CASK: variants seen among roughly 807,000 people sequenced by gnomAD.
CASK encodes the protein calcium/calmodulin dependent serine protein kinase.
In CASK, 4 loss-of-function variants were observed where a neutral mutation model predicts 82.9. The observed-to-expected ratio is 0.05, with a 90% CI of 0.02 to 0.11. The LOEUF is 0.11. CASK is among the 10% of genes least tolerant of loss of function. The pLI, the probability that CASK is intolerant of heterozygous loss-of-function variation, is 1.00. For synonymous variants in CASK, 259 were observed against 253.5 expected (o/e 1.02, Z -0.20); for missense variants, 358 against 720.9 (o/e 0.50, Z 5.76).
rs1378649263 is a variant in CASK at position 41,827,433 on chromosome X, G to A, written c.172+25682C>T. Reference sequence around the variant, plus strand: ...GCAGGCTGCTCTCTGGTTCATAAGCGGCATCTTCTCACTGTGTCCTTACAT... The same window carrying A: ...GCAGGCTGCTCTCTGGTTCATAAGCAGCATCTTCTCACTGTGTCCTTACAT... On this transcript the variant is annotated intron_variant, in intron 2 of 26. Coordinates refer to ENST00000378163, the MANE Select transcript of CASK (RefSeq NM_001367721.1). Among the ~76,000 whole-genome samples, 4 of 111,791 alleles carry A rather than the reference G, an allele frequency of 3.6e-5. No homozygotes were observed. The South Asian group carries it at 1.1e-3, about 32-fold the overall frequency.
rs955571686 is a variant in CASK at position 41,517,613 on chromosome X, C to T, written c.*2807G>A. On this transcript the variant is annotated 3_prime_UTR_variant, in exon 27 of 27. Coordinates refer to ENST00000378163, the MANE Select transcript of CASK (RefSeq NM_001367721.1). Reference sequence around the variant, plus strand: ...ACCTTCAAAATGTGGCTCTCCAATACTTCAATTGACCACTAATAAGATTTA... The same window carrying T: ...ACCTTCAAAATGTGGCTCTCCAATATTTCAATTGACCACTAATAAGATTTA... 30 of 380,945 alleles carry T rather than the reference C, an allele frequency of 7.9e-5. No homozygotes were observed. Among genetic ancestry groups the T allele is most frequent in the Non-Finnish European group, 1.4e-4 (30 of 219,009 alleles). The allele number at this position is 380,945 out of a possible 1,213,427, so 31.4% of individuals were successfully genotyped here. A position where few individuals can be genotyped will look rare whatever the true frequency, so the allele number is the denominator to read the frequency against.
chrX:41,840,742 G>A (rs902650366), intron 2 of CASK, among the ~76,000 whole-genome samples: 1 of 111,801 alleles, frequency 8.9e-6, no homozygotes, highest in Non-Finnish European at 1.9e-5. Context: ...TTATCAAGTT[G>A]AGGGTGTTAG....
chrX:41,751,658 C>T (rs924351979), intron 3 of CASK, among the ~76,000 whole-genome samples: 2 of 110,402 alleles, frequency 1.8e-5, no homozygotes, highest in Non-Finnish European at 3.8e-5. Flanking sequence ...TGATGAAACA[C>T]CCTTTGCTCC....
At chrX:41,850,187 T>A (rs1281218361) in intron 2 of CASK, among the ~76,000 whole-genome samples, 1 of 111,872 alleles carries the variant, frequency 8.9e-6, no homozygotes, top group Non-Finnish European at 1.9e-5. Flanking sequence ...TCAAAAAAAA[T>A]TAATTTGTAA....
At chrX:41,843,250 G>A (rs764760668) in intron 2 of CASK, among the ~76,000 whole-genome samples, 60 of 111,573 alleles carry the variant, frequency 5.4e-4, no homozygotes, top group Middle Eastern at 4.7e-3. Context: ...CCTGATCTTC[G>A]GAGGAAAGCA....
At chrX:41,524,147 C>A (rs1452984813) in intron 25 of CASK, 113 bp from the exon 26 acceptor site, 2 of 583,973 alleles carry the variant, frequency 3.4e-6, no homozygotes, top group Non-Finnish European at 5.5e-6. Context: ...GCTCTTGGCT[C>A]AAATTTTTGG....
At chrX:41,907,066 G>A (rs1449140436) in intron 1 of CASK, among the ~76,000 whole-genome samples, 2 of 112,139 alleles carry the variant, frequency 1.8e-5, no homozygotes, top group Admixed American at 9.4e-5. Flanking sequence ...AGTTGATTGG[G>A]AAAGCCTAAA....
At chrX:41,893,729 T>C (rs1368183002) in intron 1 of CASK, among the ~76,000 whole-genome samples, 1 of 112,049 alleles carries the variant, frequency 8.9e-6, no homozygotes, top group Non-Finnish European at 1.9e-5. Context: ...TGGCCAACCA[T>C]TGGATGACCA....
intron 11 of CASK, among the ~76,000 whole-genome samples, chrX:41,615,922 C>T (rs762043845): frequency 8.3e-4 from 93 of 112,221 alleles, no homozygotes; most frequent in African/African-American, 2.7e-3. Context: ...CCACTGTGCT[C>T]GGCCTTTTAC....
At chrX:41,617,037 C>A (rs763173812) in intron 11 of CASK, among the ~76,000 whole-genome samples, 11 of 112,193 alleles carry the variant, frequency 9.8e-5, no homozygotes, top group African/African-American at 3.2e-4. Context: ...GCATATTATA[C>A]CCTGAAGTAA....
In CASK at chrX:41,839,236, G is replaced by A. The variant is rs186508084; in HGVS notation, c.172+13879C>T. On this transcript the variant is annotated intron_variant, in intron 2 of 26. Coordinates refer to ENST00000378163, the MANE Select transcript of CASK (RefSeq NM_001367721.1). ...GGGTCAAATCTAGAGATAGATTTGG[G>A]GAGAAATTATATATTTACTATGTTG... Among the ~76,000 whole-genome samples the A allele has an allele frequency of 8.7e-3, 970 of 111,278 alleles. 6 individuals are homozygous for A. Among genetic ancestry groups the A allele is most frequent in the Non-Finnish European group, 0.015 (791 of 52,948 alleles).
intron 2 of CASK, among the ~76,000 whole-genome samples, chrX:41,825,008 C>T (rs2070629015): frequency 1.8e-5 from 2 of 111,472 alleles, no homozygotes; most frequent in African/African-American, 3.3e-5. Flanking sequence ...ACCTAGTATT[C>T]GATATTACAA....
chrX:41,855,090 C>T (rs189094267), intron 1 of CASK, among the ~76,000 whole-genome samples: 203 of 111,786 alleles, frequency 1.8e-3, no homozygotes, highest in Middle Eastern at 4.6e-3. Flanking sequence ...CATGGTCAAT[C>T]GAGTCAATTC....
intron 8 of CASK, among the ~76,000 whole-genome samples, chrX:41,649,340 T>C (rs1246170261): frequency 8.9e-6 from 1 of 111,818 alleles, no homozygotes; most frequent in Non-Finnish European, 1.9e-5. Context: ...CTTTCAATTG[T>C]GATGTTAGGG....
chrX:41,755,585 C>A (rs751163336), intron 3 of CASK, among the ~76,000 whole-genome samples: 1 of 111,899 alleles, frequency 8.9e-6, no homozygotes, highest in South Asian at 3.7e-4. Context: ...CCAAGAAAGT[C>A]CACTCTAACA....
At chrX:41,910,058 C>T (rs1188806554) in intron 1 of CASK, among the ~76,000 whole-genome samples, 2 of 111,258 alleles carry the variant, frequency 1.8e-5, no homozygotes, top group African/African-American at 6.5e-5. Context: ...CCTGTCTCTA[C>T]TAAAAATACA....
chrX:41,799,910 A>G (rs1037671572), intron 2 of CASK, among the ~76,000 whole-genome samples: 2 of 107,618 alleles, frequency 1.9e-5, no homozygotes, highest in African/African-American at 6.8e-5. Flanking sequence ...TTTGGCAGCT[A>G]GTAAACATTG....
intron 24 of CASK, among the ~76,000 whole-genome samples, chrX:41,532,912 G>C (rs1300098116): frequency 9.0e-6 from 1 of 111,193 alleles, no homozygotes; most frequent in Non-Finnish European, 1.9e-5. Context: ...CGGGTTCCAA[G>C]CGATTTTCAT....
intron 4 of CASK, among the ~76,000 whole-genome samples, chrX:41,743,967 C>T (rs894559590): frequency 1.8e-5 from 2 of 108,560 alleles, no homozygotes; most frequent in African/African-American, 6.7e-5. Flanking sequence ...AAAAATTAGC[C>T]GGGCATGGTG....
Sources: allele counts gnomAD v4.1 joint callset (sites outside exome capture counted in the v4.1 genomes callset), GRCh38; gene constraint gnomAD v4.1.1; transcripts MANE v1.5; gene names NCBI Gene and HGNC (gene_info 2026-07-23, HGNC 2026-07-21).